Variants in LZTS1 observed in about 807,000 individuals in gnomAD.
LZTS1 encodes the protein leucine zipper tumor suppressor 1.
A neutral mutation model predicts 45.8 loss-of-function variants in LZTS1; 31 were observed. That is an observed-to-expected ratio of 0.68 (90% CI 0.51 to 0.91). The LOEUF (loss-of-function observed/expected upper bound fraction) is 0.91, where lower values mean the gene tolerates loss of function less well. LZTS1 is among the 40% of genes least tolerant of loss of function. The pLI is 0.00. For synonymous variants in LZTS1, 359 were observed against 357.3 expected, an observed-to-expected ratio of 1.00 and a Z score of -0.05; for missense variants, 821 against 788.9, an observed-to-expected ratio of 1.04 and a Z score of -0.49.
chr8:20,273,047 C>G (rs546300799), intron 1 of LZTS1, among the ~76,000 whole-genome samples: 1 of 152,288 alleles, frequency 6.6e-6, no homozygotes, highest in South Asian at 2.1e-4. Flanking sequence ...CTTCAATCCA[C>G]AGAGGCCCTG....
At chr8:20,282,774 C>T (rs1800718670) in intron 1 of LZTS1, among the ~76,000 whole-genome samples, 2 of 152,086 alleles carry the variant, frequency 1.3e-5, no homozygotes, top group Admixed American at 6.5e-5. Context: ...GCCAAATATT[C>T]CTTAGGTGGG....
At chr8:20,278,885 C>G (rs564523552) in intron 1 of LZTS1, among the ~76,000 whole-genome samples, 27 of 152,262 alleles carry the variant, frequency 1.8e-4, no homozygotes, top group African/African-American at 6.0e-4. Context: ...AATTTCCTTC[C>G]TCGGAGATCT....
At chr8:20,286,684 C>G (rs1456685391) in intron 1 of LZTS1, among the ~76,000 whole-genome samples, 1 of 152,154 alleles carries the variant, frequency 6.6e-6, no homozygotes, top group East Asian at 1.9e-4. Flanking sequence ...ACTTAAAGAC[C>G]TAGCAGTTTT....
At chr8:20,291,302 A>C (rs1800897494) in intron 1 of LZTS1, among the ~76,000 whole-genome samples, 1 of 152,118 alleles carries the variant, frequency 6.6e-6, no homozygotes, top group African/African-American at 2.4e-5. Flanking sequence ...CCTGACCCTA[A>C]AGTTGTCCCT....
At position 20,247,685 on chromosome 8, in the gene LZTS1, C is replaced by A. The variant is rs1251760109; in HGVS notation, c.*2037G>T. On this transcript the variant is annotated 3_prime_UTR_variant, in exon 4 of 4. Coordinates refer to ENST00000381569, the MANE Select transcript of LZTS1 (RefSeq NM_021020.5). ...AACCTCAGGGACAGGAAGGTAGAGC[C>A]AGCCACAGAAAAGGTGACTCTGGCC... 6.6e-6 allele frequency: 1 copy of A among 152,360 alleles called. No individual in the cohort carries two copies. Among genetic ancestry groups the A allele is most frequent in the Non-Finnish European group, 1.5e-5 (1 of 68,154 alleles). 9.4% of individuals were successfully genotyped at this position (152,360 alleles called of 1,614,324 possible). A position where few individuals can be genotyped will look rare whatever the true frequency, so the allele number is the denominator to read the frequency against.
chr8:20,298,239 T>A (rs1801011339), intron 1 of LZTS1, among the ~76,000 whole-genome samples: 1 of 151,950 alleles, frequency 6.6e-6, no homozygotes. Context: ...TTTTTGTAGT[T>A]TTAGTAGAGA....
intron 1 of LZTS1, among the ~76,000 whole-genome samples, chr8:20,299,931 G>T (rs184516594): frequency 5.1e-4 from 78 of 152,328 alleles, no homozygotes; most frequent in African/African-American, 1.8e-3. Context: ...CAAAATCCCA[G>T]AAACATCTCA....
intron 1 of LZTS1, among the ~76,000 whole-genome samples, chr8:20,283,159 T>C (rs1419550582): frequency 6.6e-6 from 1 of 152,184 alleles, no homozygotes; most frequent in East Asian, 1.9e-4. Context: ...AGATGTGTTC[T>C]GGAACTGTCT....
At position 20,281,373 on chromosome 8, in the gene LZTS1, A is replaced by C. The variant is rs1800688396; in HGVS notation, c.-135+22367T>G. 4.6e-5 allele frequency among the ~76,000 whole-genome samples: 7 copies of C among 150,876 alleles called. No homozygotes were observed. The South Asian group carries it at 1.5e-3, about 32-fold the overall frequency. On this transcript the variant is annotated intron_variant, in intron 1 of 3. Transcript: ENST00000381569. The stretch of plus-strand genomic sequence containing the variant: ...TCAGCAGTTCAAGACCAGCCTGGCC[A>C]ACATGGTGAAACCCCATCTCTACTA...
chr8:20,285,121 C>T (rs543742714), intron 1 of LZTS1, among the ~76,000 whole-genome samples: 1 of 152,330 alleles, frequency 6.6e-6, no homozygotes, highest in South Asian at 2.1e-4. Flanking sequence ...CTCTAAAGTG[C>T]AGTACCAACA....
At chr8:20,275,840 T>A (rs1800569743) in intron 1 of LZTS1, 1 of 152,278 alleles carries the variant, frequency 6.6e-6, no homozygotes, top group African/African-American at 2.4e-5. Flanking sequence ...ATTGGATTTC[T>A]TTTTTGCAGA....
At position 20,271,503 on chromosome 8, in the gene LZTS1, T is replaced by A. The variant is rs374189010; in HGVS notation, c.-134-16188A>T. ...TACCAGCAGCAAGGCCAGAGGTGCTTAAAGAGGCTCCGAAGAGCCACCTGT... is the reference window on the plus strand; with the variant it reads ...TACCAGCAGCAAGGCCAGAGGTGCTAAAAGAGGCTCCGAAGAGCCACCTGT... On this transcript the variant is annotated intron_variant, in intron 1 of 3. Coordinates refer to ENST00000381569, the MANE Select transcript of LZTS1 (RefSeq NM_021020.5). Among the ~76,000 whole-genome samples, 66 of 152,258 alleles carry A rather than the reference T, an allele frequency of 4.3e-4. 1 individual carries two copies. The South Asian group carries it at 7.3e-3, about 17-fold the overall frequency.
At chr8:20,251,653 A>G (rs1563851814) in intron 3 of LZTS1, among the ~76,000 whole-genome samples, 2 of 152,124 alleles carry the variant, frequency 1.3e-5, no homozygotes, top group Non-Finnish European at 1.5e-5. Context: ...GTGGAAATAG[A>G]GAAGAAGAGC....
At chr8:20,274,399 C>T (rs1800533411) in intron 1 of LZTS1, among the ~76,000 whole-genome samples, 1 of 152,148 alleles carries the variant, frequency 6.6e-6, no homozygotes, top group South Asian at 2.1e-4. Flanking sequence ...TCTCCTCATC[C>T]TAGGGAACCC....
Position 20,252,961 on chromosome 8 carries a change from T to G in LZTS1, c.970A>C (p.Ser324Arg). The G allele has an allele frequency of 6.3e-7, 1 of 1,590,358 alleles. No individual in the cohort carries two copies. Among genetic ancestry groups the G allele is most frequent in the East Asian group, 2.2e-5 (1 of 44,476 alleles). ...GNKLKQASQK[S>R]QRAQQVLHLQ... ...TGCAGGACCTGCTGCGCGCGCTGGC[T>G]CTTCTGCGAGGCCTGCTTGAGCTTG... Residue 324 changes from serine to arginine, a missense_variant, in exon 3 of 4, where the codon AGC becomes CGC. Coordinates refer to ENST00000381569, the MANE Select transcript of LZTS1 (RefSeq NM_021020.5).
chr8:20,301,609 T>C (rs1052248974), intron 1 of LZTS1, among the ~76,000 whole-genome samples: 1 of 152,182 alleles, frequency 6.6e-6, no homozygotes, highest in Non-Finnish European at 1.5e-5. Flanking sequence ...TAAATAAGTT[T>C]TCAGGATTAG....
chr8:20,283,689 T>C (rs192476673), intron 1 of LZTS1, among the ~76,000 whole-genome samples: 2 of 152,248 alleles, frequency 1.3e-5, no homozygotes, highest in African/African-American at 4.8e-5. Flanking sequence ...ATATGAGTTA[T>C]GTAGAGTAGC....
At chr8:20,288,525 C>T (rs996885800) in intron 1 of LZTS1, among the ~76,000 whole-genome samples, 2 of 152,230 alleles carry the variant, frequency 1.3e-5, no homozygotes, top group African/African-American at 2.4e-5. Context: ...TGCCTCACCC[C>T]AACCCCAAGA....
At position 20,247,355 on chromosome 8, in the gene LZTS1, G is replaced by C. The variant is rs866698518; in HGVS notation, c.*2367C>G. Reference sequence around the variant, plus strand: ...CTGCTCTTTCCTGGAGTTGGGGGGGGGTCTCCAGCCTGGGGAGGGGGAGCC... The same window carrying C: ...CTGCTCTTTCCTGGAGTTGGGGGGGCGTCTCCAGCCTGGGGAGGGGGAGCC... On this transcript the variant is annotated 3_prime_UTR_variant, in exon 4 of 4. Coordinates refer to ENST00000381569, the MANE Select transcript of LZTS1 (RefSeq NM_021020.5). The C allele has an allele frequency of 2.0e-5, 3 of 152,508 alleles. No homozygotes were observed. The highest frequency in any genetic ancestry group is 4.4e-5 in the Non-Finnish European group (3 of 68,162). 9.4% of individuals were successfully genotyped at this position (152,508 alleles called of 1,614,324 possible). A position where few individuals can be genotyped will look rare whatever the true frequency, so the allele number is the denominator to read the frequency against.
Sources: gnomAD v4.1 joint callset for allele counts (sites outside exome capture counted in the v4.1 genomes callset) on GRCh38, gnomAD v4.1.1 for gene constraint, MANE v1.5 for transcripts, NCBI Gene and HGNC (gene_info 2026-07-23, HGNC 2026-07-21) for gene names.